UNC13C: variants seen among roughly 807,000 people sequenced by gnomAD.
The protein encoded by UNC13C is unc-13 homolog C, also known as protein unc-13 homolog C.
Under a neutral mutation model 245.4 loss-of-function variants are expected in UNC13C, and 174 were observed. That is an observed-to-expected ratio of 0.71 (90% CI 0.63 to 0.80). UNC13C has a LOEUF of 0.80. UNC13C is among the 30% of genes least tolerant of loss of function. UNC13C has a pLI of 0.00. For missense variants in UNC13C, 2,829 were observed against 2,602.9 expected (o/e 1.09, Z -1.89); for synonymous variants, 992 against 895.1 (o/e 1.11, Z -1.93).
chr15:54,127,316 C>T (rs2031109766), intron 2 of UNC13C, among the ~76,000 whole-genome samples: 1 of 151,974 alleles, frequency 6.6e-6, no homozygotes, highest in Non-Finnish European at 1.5e-5. Context: ...ACATGCCCAA[C>T]AATGATAGAC....
chr15:53,885,422 G>A, the UNC13C span, among the ~76,000 whole-genome samples: 1 of 152,198 alleles, frequency 6.6e-6, no homozygotes, highest in Non-Finnish European at 1.5e-5. Flanking sequence ...TACCTGGGAA[G>A]GTGAAATACT....
chr15:54,416,713 T>C (rs76778437), intron 19 of UNC13C, among the ~76,000 whole-genome samples: 20 of 152,262 alleles, frequency 1.3e-4, no homozygotes, highest in Non-Finnish European at 2.5e-4. Context: ...CCCACCCTAC[T>C]TGAAAGTCTA....
intron 19 of UNC13C, among the ~76,000 whole-genome samples, chr15:54,420,816 C>T (rs781714918): frequency 1.5e-4 from 23 of 151,890 alleles, no homozygotes; most frequent in Non-Finnish European, 4.4e-5. Flanking sequence ...CTCTTGTTAA[C>T]CCTCTCTAGT....
At chr15:54,229,031 TG>T (rs1276993741) in intron 4 of UNC13C, among the ~76,000 whole-genome samples, 8 of 152,188 alleles carry the variant, frequency 5.3e-5, no homozygotes, top group Non-Finnish European at 2.9e-5. Context: ...ACTGCTGGGA[TG>T]GGCTAGTCCC....
At chr15:54,499,794 T>C (rs1267150230) in intron 20 of UNC13C, among the ~76,000 whole-genome samples, 1 of 152,122 alleles carries the variant, frequency 6.6e-6, no homozygotes, top group East Asian at 1.9e-4. Context: ...GTCTACATTT[T>C]ACAAGAGTTT....
chr15:54,210,004 A>G (rs76369928), intron 4 of UNC13C, among the ~76,000 whole-genome samples: 4,692 of 151,980 alleles, frequency 0.031, 242 homozygotes, highest in African/African-American at 0.11. Flanking sequence ...TTCTCTAACT[A>G]TATTAACTTT....
downstream of UNC13C, chr15:54,630,483 T>C (rs533246009): frequency 3.3e-5 from 5 of 152,352 alleles, no homozygotes; most frequent in South Asian, 6.2e-4. Flanking sequence ...TATGGACTAC[T>C]ATAGCAGCTT....
the UNC13C span, chr15:53,914,763 C>T: frequency 6.6e-6 from 1 of 152,186 alleles, no homozygotes; most frequent in African/African-American, 2.4e-5. Context: ...TCCCTCCAGA[C>T]CTCATCATGA....
At chr15:54,414,196 T>C (rs1210108790) in intron 18 of UNC13C, among the ~76,000 whole-genome samples, 2 of 152,198 alleles carry the variant, frequency 1.3e-5, no homozygotes, top group African/African-American at 4.8e-5. Context: ...TTTGTTCATA[T>C]AATTCACATG....
At chr15:53,869,238 C>T in the UNC13C span, among the ~76,000 whole-genome samples, 19 of 152,296 alleles carry the variant, frequency 1.2e-4, no homozygotes, top group African/African-American at 4.3e-4. Context: ...ACGTGGATGG[C>T]CACATGGGGA....
chr15:54,258,024 A>G (rs553271051), intron 8 of UNC13C, among the ~76,000 whole-genome samples: 104 of 152,288 alleles, frequency 6.8e-4, no homozygotes, highest in African/African-American at 2.4e-3. Flanking sequence ...CCCATTTCCC[A>G]TGTCAGAGAG....
chr15:53,982,429 T>A (rs755383570), intron 1 of UNC13C, among the ~76,000 whole-genome samples: 8 of 148,084 alleles, frequency 5.4e-5, no homozygotes, highest in Non-Finnish European at 1.0e-4. Context: ...GGTGGCTATT[T>A]CCTTTATAGG....
chr15:53,909,349 A>T, the UNC13C span, among the ~76,000 whole-genome samples: 3 of 146,890 alleles, frequency 2.0e-5, no homozygotes, highest in Non-Finnish European at 3.1e-5. Context: ...ACAATGAAAT[A>T]TGAATCAAAA....
chr15:54,614,455 A>G (rs1028359245), intron 30 of UNC13C, among the ~76,000 whole-genome samples: 5 of 152,158 alleles, frequency 3.3e-5, no homozygotes, highest in Non-Finnish European at 5.9e-5. Flanking sequence ...TAGCTGTTAT[A>G]TTACAAGAAA....
At chr15:53,854,492 C>T in the UNC13C span, among the ~76,000 whole-genome samples, 1 of 152,078 alleles carries the variant, frequency 6.6e-6, no homozygotes, top group Non-Finnish European at 1.5e-5. Context: ...GGAAGGGGTC[C>T]AGTTTTAATT....
At chr15:54,029,361 G>A (rs553432802) in intron 2 of UNC13C, among the ~76,000 whole-genome samples, 1 of 152,344 alleles carries the variant, frequency 6.6e-6, no homozygotes, top group Admixed American at 6.5e-5. Flanking sequence ...GCAGGGAGAA[G>A]GCACATGATA....
chr15:54,398,022 C>A (rs905266216), intron 18 of UNC13C, among the ~76,000 whole-genome samples: 1 of 151,284 alleles, frequency 6.6e-6, no homozygotes, highest in Non-Finnish European at 1.5e-5. Context: ...GACATTCTTG[C>A]CTTATTCCTA....
At chr15:54,455,601 C>A in intron 19 of UNC13C, among the ~76,000 whole-genome samples, 1 of 150,690 alleles carries the variant, frequency 6.6e-6, no homozygotes, top group East Asian at 2.0e-4. Context: ...TTTGCATTTC[C>A]CTGATCACTA....
At chr15:54,125,209 A>G (rs1438374679) in intron 2 of UNC13C, among the ~76,000 whole-genome samples, 1 of 152,172 alleles carries the variant, frequency 6.6e-6, no homozygotes, top group Non-Finnish European at 1.5e-5. Context: ...CACATCTGTA[A>G]TTCTAGCACT....
Sources: gnomAD v4.1 joint callset for allele counts (sites outside exome capture counted in the v4.1 genomes callset) on GRCh38, gnomAD v4.1.1 for gene constraint, MANE v1.5 for transcripts, NCBI Gene and HGNC (gene_info 2026-07-23, HGNC 2026-07-21) for gene names.